ZNF578: variants seen among roughly 807,000 people sequenced by gnomAD.
ZNF578 encodes the protein zinc finger protein 578, also known as Putative chemokine-related protein B42.
Under a neutral mutation model 8.3 loss-of-function variants are expected in ZNF578, and 8 were observed. The ratio of observed to expected loss-of-function variants is 0.96; its 90% CI spans 0.56 to 1.74. The LOEUF is 1.74. Ranked by LOEUF, ZNF578 falls within the 40% of genes most tolerant of loss-of-function variation. The pLI, the probability that ZNF578 is intolerant of heterozygous loss-of-function variation, is 0.00. For missense variants in ZNF578, 726 were observed against 707.5 expected, an observed-to-expected ratio of 1.03 and a Z score of -0.30; for synonymous variants, 206 against 232.2, an observed-to-expected ratio of 0.89 and a Z score of 1.03.
intron 2 of ZNF578, chr19:52,475,316 C>T: frequency 4.6e-6 from 1 of 215,352 alleles, no homozygotes; most frequent in Non-Finnish European, 9.9e-6. Context: ...CGTGAGTTTT[C>T]ACACCAGAAG....
chr19:52,481,410 A>G (rs1474498411), intron 2 of ZNF578, among the ~76,000 whole-genome samples: 3 of 152,236 alleles, frequency 2.0e-5, no homozygotes, highest in African/African-American at 7.2e-5. Context: ...CTTCTGGTGA[A>G]CAAGGGCCCT....
At chr19:52,460,314 CTT>C (rs35382657) in intron 2 of ZNF578, among the ~76,000 whole-genome samples, 152 of 145,754 alleles carry the variant, frequency 1.0e-3, no homozygotes, top group Admixed American at 1.8e-3. Flanking sequence ...CTCTCCAACA[CTT>C]TTTTTTTTTT....
chr19:52,462,734 G>T (rs1209077771), intron 2 of ZNF578, among the ~76,000 whole-genome samples: 1 of 151,746 alleles, frequency 6.6e-6, no homozygotes, highest in African/African-American at 2.4e-5. Flanking sequence ...AGCCATCAAG[G>T]TGTGCTTGGG....
In ZNF578 at chr19:52,514,823, C is replaced by T. The variant is rs897362218; in HGVS notation, c.*2669C>T. Reference sequence around the variant, plus strand: ...AATTACAGGCACCCACCAGCACACCCAGCTAGTTTTTGTATTTTTAGTAGA... The same window carrying T: ...AATTACAGGCACCCACCAGCACACCTAGCTAGTTTTTGTATTTTTAGTAGA... On this transcript the variant is annotated 3_prime_UTR_variant, in exon 6 of 6. Transcript: ENST00000421239. Among the ~76,000 whole-genome samples the T allele has an allele frequency of 6.6e-6, 1 of 151,978 alleles. No individual in the cohort carries two copies. Among genetic ancestry groups the T allele is most frequent in the African/African-American group, 2.4e-5 (1 of 41,358 alleles).
At chr19:52,503,117 C>T (rs140343410) in intron 4 of ZNF578, among the ~76,000 whole-genome samples, 19 of 152,292 alleles carry the variant, frequency 1.2e-4, no homozygotes, top group Non-Finnish European at 2.4e-4. Flanking sequence ...GTCTCAAACT[C>T]CTGACCTTGT....
At chr19:52,498,646 A>G (rs1259659702) in intron 3 of ZNF578, among the ~76,000 whole-genome samples, 1 of 148,624 alleles carries the variant, frequency 6.7e-6, no homozygotes. Flanking sequence ...GCCTGCCAAA[A>G]TGATGGGATT....
At chr19:52,466,327 C>T (rs993183938) in intron 2 of ZNF578, among the ~76,000 whole-genome samples, 5 of 152,160 alleles carry the variant, frequency 3.3e-5, no homozygotes, top group East Asian at 1.9e-4. Context: ...GTGTCTTTCT[C>T]CTTGAACACA....
chr19:52,468,374 C>T (rs1312346205), intron 2 of ZNF578, among the ~76,000 whole-genome samples: 3 of 152,160 alleles, frequency 2.0e-5, no homozygotes, highest in Admixed American at 2.0e-4. Flanking sequence ...CAGTATTTCA[C>T]AAGCATTTTC....
At chr19:52,456,300 G>C (rs1031639072) in intron 1 of ZNF578, 8 of 151,920 alleles carry the variant, frequency 5.3e-5, no homozygotes, top group African/African-American at 1.9e-4. Flanking sequence ...GTTGTTCTGG[G>C]CTTGCTCCCT....
At chr19:52,471,486 T>C (rs186766141) in intron 2 of ZNF578, among the ~76,000 whole-genome samples, 34 of 152,288 alleles carry the variant, frequency 2.2e-4, no homozygotes, top group Admixed American at 5.2e-4. Context: ...CACTCCCTCT[T>C]TGTATTCTGC....
chr19:52,493,003 G>A (rs1360305067), intron 3 of ZNF578: 1 of 152,402 alleles, frequency 6.6e-6, no homozygotes, highest in Non-Finnish European at 1.5e-5. Context: ...GTCCCCGTAA[G>A]AGTCCGGGAG....
intron 2 of ZNF578, chr19:52,458,941 C>A (rs1159471527): frequency 6.6e-6 from 1 of 152,072 alleles, no homozygotes; most frequent in Non-Finnish European, 1.5e-5. Context: ...ATTTGGAAAA[C>A]CCCTCCATTT....
intron 2 of ZNF578, among the ~76,000 whole-genome samples, chr19:52,483,054 A>G (rs1441259051): frequency 6.6e-6 from 1 of 151,902 alleles, no homozygotes; most frequent in Non-Finnish European, 1.5e-5. Flanking sequence ...TGAGTGATAG[A>G]GTGTGACTTG....
At chr19:52,501,791 A>G in intron 3 of ZNF578, 36 bp from the exon 4 acceptor site, 2 of 1,605,504 alleles carry the variant, frequency 1.2e-6, no homozygotes, top group Non-Finnish European at 1.7e-6. Context: ...AGTGAGTCAT[A>G]TCTAACCTGA....
At chr19:52,475,813 T>C (rs1198717896) in intron 2 of ZNF578, among the ~76,000 whole-genome samples, 1 of 152,212 alleles carries the variant, frequency 6.6e-6, no homozygotes, top group Admixed American at 6.5e-5. Context: ...TCTGGAGCTA[T>C]TTTGAGATTC....
chr19:52,487,570 T>C (rs1441589697), intron 2 of ZNF578, among the ~76,000 whole-genome samples: 14 of 152,156 alleles, frequency 9.2e-5, no homozygotes, highest in African/African-American at 1.2e-4. Flanking sequence ...TTTCCTAGGA[T>C]GAGGAGGGCA....
intron 4 of ZNF578, among the ~76,000 whole-genome samples, chr19:52,504,097 CT>C (rs369235837): frequency 4.0e-4 from 57 of 143,458 alleles, no homozygotes; most frequent in Admixed American, 4.2e-4. Flanking sequence ...CCTGGCATTG[CT>C]TTTTTTTTTT....
In ZNF578 at chr19:52,504,774, G is replaced by A. The variant is rs1430085211; in HGVS notation, c.183G>A (p.Glu61=). 1.2e-6 allele frequency: 2 copies of A among 1,614,130 alleles called. No homozygotes were observed. The highest frequency in any genetic ancestry group is 1.7e-6 in the Non-Finnish European group (2 of 1,180,018). Residue 61 remains glutamate, a synonymous_variant, in exon 5 of 6, where the codon GAG becomes GAA. Transcript: ENST00000421239. ...EVMLENYRNL[E]AVDISSKRMM... is the part of the protein sequence containing the mutation. ...TGTTGGAGAACTACAGGAACCTGGAGGCTGTGGGTGAGGAAAATGTCCCTG... is the reference window on the plus strand; with the variant it reads ...TGTTGGAGAACTACAGGAACCTGGAAGCTGTGGGTGAGGAAAATGTCCCTG...
chr19:52,490,371 G>A (rs1384449057), intron 2 of ZNF578, among the ~76,000 whole-genome samples: 1 of 152,174 alleles, frequency 6.6e-6, no homozygotes. Context: ...TTCTTACAGT[G>A]TGTGCTGATT....
Sources: allele counts gnomAD v4.1 joint callset (sites outside exome capture counted in the v4.1 genomes callset), GRCh38; gene constraint gnomAD v4.1.1; transcripts MANE v1.5; gene names NCBI Gene and HGNC (gene_info 2026-07-23, HGNC 2026-07-21).